The following PTPRG variants were observed in gnomAD, a reference collection of about 807,000 sequenced individuals.
The protein encoded by PTPRG is protein tyrosine phosphatase receptor type G.
PTPRG carries 102 observed loss-of-function variants against 165.3 expected under a neutral mutation model. That is an observed-to-expected ratio of 0.62 (90% CI 0.53 to 0.73). PTPRG has a LOEUF of 0.73. Among genes scored for constraint, PTPRG ranks in the 30% least tolerant of loss-of-function variants. PTPRG has a pLI of 0.00. For missense variants in PTPRG, 1,866 were observed against 1,861.4 expected (o/e 1.00, Z -0.05); for synonymous variants, 675 against 669.5 (o/e 1.01, Z -0.13).
chr3:62,151,265 C>G (rs1210352345), intron 6 of PTPRG, among the ~76,000 whole-genome samples: 1 of 152,136 alleles, frequency 6.6e-6, no homozygotes, highest in Non-Finnish European at 1.5e-5. Flanking sequence ...TACAAAATTT[C>G]CTAATTGATA....
At chr3:61,799,797 T>C (rs913192660) in intron 2 of PTPRG, among the ~76,000 whole-genome samples, 9 of 152,202 alleles carry the variant, frequency 5.9e-5, no homozygotes, top group Non-Finnish European at 5.9e-5. Flanking sequence ...GCTCACACTT[T>C]AGGAGGTGGG....
At chr3:62,047,075 T>G (rs1700317046) in intron 4 of PTPRG, among the ~76,000 whole-genome samples, 1 of 152,144 alleles carries the variant, frequency 6.6e-6, no homozygotes, top group Admixed American at 6.5e-5. Flanking sequence ...GAACCCACAT[T>G]TTCTAAGTTT....
chr3:62,112,645 C>G (rs371424915), intron 5 of PTPRG, among the ~76,000 whole-genome samples: 2 of 152,158 alleles, frequency 1.3e-5, no homozygotes, highest in African/African-American at 2.4e-5. Flanking sequence ...TAGACCTTTA[C>G]GAGTCCTATC....
In PTPRG at chr3:61,752,795, A is replaced by AAAAAAG. The variant is rs1553660802; in HGVS notation, c.190+3818_190+3819insGAAAAA. On this transcript the variant is annotated intron_variant, in intron 2 of 29. Coordinates refer to ENST00000474889, the MANE Select transcript of PTPRG (RefSeq NM_002841.4). ...AGAGCAAGACTGTCTCAAAAAAAAA[A>AAAAAAG]AAAAAAGAAAAAAAAAAAGAAAATA... Among the ~76,000 whole-genome samples the AAAAAAG allele has an allele frequency of 5.0e-4, 54 of 108,252 alleles. 4 individuals are homozygous for AAAAAAG. The highest frequency in any genetic ancestry group is 8.5e-3 in the Middle Eastern group (2 of 236). 71.0% of individuals were successfully genotyped at this position (108,252 alleles called of 152,430 possible).
At chr3:61,576,340 C>T (rs13061182) in intron 1 of PTPRG, among the ~76,000 whole-genome samples, 31,626 of 152,074 alleles carry the variant, frequency 0.21, 3,384 homozygotes, top group Middle Eastern at 0.24. Flanking sequence ...GTACACATGC[C>T]TTGCTGTATA....
chr3:61,750,046 G>A (rs1239932225), intron 2 of PTPRG: 4 of 152,160 alleles, frequency 2.6e-5, no homozygotes, highest in Non-Finnish European at 5.9e-5. Flanking sequence ...TGCCCCTGCA[G>A]GGAGAATATC....
chr3:61,682,764 A>G (rs758473135), intron 1 of PTPRG, among the ~76,000 whole-genome samples: 6 of 152,220 alleles, frequency 3.9e-5, no homozygotes, highest in Non-Finnish European at 7.3e-5. Context: ...AATCATCACC[A>G]CAAGTGGCTA....
intron 2 of PTPRG, among the ~76,000 whole-genome samples, chr3:61,915,670 CTTCT>C (rs141208144): frequency 0.025 from 3,798 of 152,038 alleles, 78 homozygotes; most frequent in African/African-American, 0.062. Context: ...TTCTTTCTTT[CTTCT>C]TTCTATTTTA....
chr3:61,686,143 A>G (rs190553496), intron 1 of PTPRG, among the ~76,000 whole-genome samples: 2 of 152,180 alleles, frequency 1.3e-5, no homozygotes, highest in Non-Finnish European at 2.9e-5. Flanking sequence ...TGTCCACTTG[A>G]TGGGTAAGGA....
intron 2 of PTPRG, among the ~76,000 whole-genome samples, chr3:61,781,166 A>G (rs2034533758): frequency 6.6e-6 from 1 of 152,200 alleles, no homozygotes. Flanking sequence ...TTGGGGCTGA[A>G]TCTATTGGGA....
At position 61,664,847 on chromosome 3, in the gene PTPRG, T is replaced by A. The variant is rs536876800; in HGVS notation, c.86-84031T>A. On this transcript the variant is annotated intron_variant, in intron 1 of 29. Coordinates refer to ENST00000474889, the MANE Select transcript of PTPRG (RefSeq NM_002841.4). ...TCCTGTTTCAAAATAAATAAATAAA[T>A]AAAAATAAAAAAAATAAAAAAGCAT... is the stretch of plus-strand genomic sequence containing the variant. Among the ~76,000 whole-genome samples, 5 of 150,880 alleles carry A rather than the reference T, an allele frequency of 3.3e-5. No homozygotes were observed. The East Asian group carries it at 8.1e-4, about 24-fold the overall frequency.
chr3:61,716,757 G>C (rs2031827000), intron 1 of PTPRG, among the ~76,000 whole-genome samples: 1 of 152,188 alleles, frequency 6.6e-6, no homozygotes, highest in African/African-American at 2.4e-5. Context: ...TGGGTCACGA[G>C]GTCAGGAGTT....
At chr3:62,033,534 C>A (rs1236044329) in intron 4 of PTPRG, among the ~76,000 whole-genome samples, 1 of 140,708 alleles carries the variant, frequency 7.1e-6, no homozygotes, top group Non-Finnish European at 1.6e-5. Context: ...CTATCTTCCC[C>A]CCCCCACCCC....
intron 3 of PTPRG, among the ~76,000 whole-genome samples, chr3:62,001,291 C>T (rs1338920475): frequency 6.6e-6 from 1 of 152,084 alleles, no homozygotes; most frequent in Non-Finnish European, 1.5e-5. Flanking sequence ...TTGTACAGTT[C>T]CCTAATTATG....
intron 2 of PTPRG, among the ~76,000 whole-genome samples, chr3:61,963,497 A>T (rs2040199813): frequency 6.6e-6 from 1 of 152,216 alleles, no homozygotes; most frequent in South Asian, 2.1e-4. Flanking sequence ...ATACTTGCGG[A>T]TGCTAGAAAG....
At chr3:62,125,294 C>A (rs2106905877) in intron 5 of PTPRG, among the ~76,000 whole-genome samples, 1 of 152,218 alleles carries the variant, frequency 6.6e-6, no homozygotes, top group African/African-American at 2.4e-5. Context: ...CTGTTTGATC[C>A]AATGTGCCTT....
intron 1 of PTPRG, among the ~76,000 whole-genome samples, chr3:61,611,156 A>T (rs1278991491): frequency 6.6e-6 from 1 of 152,150 alleles, no homozygotes; most frequent in African/African-American, 2.4e-5. Context: ...GATCCTAATC[A>T]TCCTGTAATA....
At position 62,296,721 on chromosome 3, in the gene PTPRG, C is replaced by A. The variant is rs62243890; in HGVS notation, c.*3414C>A. 1.0e-4 allele frequency: 15 copies of A among 150,356 alleles called. No individual in the cohort carries two copies. Among genetic ancestry groups the A allele is most frequent in the Non-Finnish European group, 1.9e-4 (13 of 67,658 alleles). 9.3% of individuals were successfully genotyped at this position (150,356 alleles called of 1,614,324 possible). ...TTTCCCTTAGTTGTCATTTAACATACAATACTGGCTTTACTTATCTCTAGA... is the reference window on the plus strand; with the variant it reads ...TTTCCCTTAGTTGTCATTTAACATAAAATACTGGCTTTACTTATCTCTAGA... On this transcript the variant is annotated 3_prime_UTR_variant, in exon 30 of 30. Transcript: ENST00000474889.
chr3:61,822,025 AC>A (rs2035972169), intron 2 of PTPRG, among the ~76,000 whole-genome samples: 1 of 152,246 alleles, frequency 6.6e-6, no homozygotes, highest in African/African-American at 2.4e-5. Context: ...GGATTAAGTA[AC>A]TGCACCATGG....
Sources: allele counts gnomAD v4.1 joint callset (sites outside exome capture counted in the v4.1 genomes callset), GRCh38; gene constraint gnomAD v4.1.1; transcripts MANE v1.5; gene names NCBI Gene and HGNC (gene_info 2026-07-23, HGNC 2026-07-21).